Variants in LRP1B observed in about 807,000 individuals in gnomAD.
The protein encoded by LRP1B is low-density lipoprotein receptor-related protein 1B.
In LRP1B, 217 loss-of-function variants were observed where a neutral mutation model predicts 556.6. The observed-to-expected ratio is 0.39, with a 90% confidence interval of 0.35 to 0.44. The LOEUF is 0.44. Among genes scored for constraint, LRP1B ranks in the 20% least tolerant of loss-of-function variants. LRP1B has a pLI of 1.00. For missense variants in LRP1B, 5,053 were observed against 5,620.8 expected (o/e 0.90, Z 3.23); for synonymous variants, 2,047 against 1,865.8 (o/e 1.10, Z -2.50).
At chr2:141,188,342 C>G (rs2105192383) in intron 7 of LRP1B, 79 bp downstream of exon 7, 1 of 1,391,814 alleles carries the variant, frequency 7.2e-7, no homozygotes, top group South Asian at 1.3e-5. Context: ...TTATTTTCCA[C>G]AACAACACTT....
chr2:141,483,662 G>C (rs1003430083), intron 2 of LRP1B, among the ~76,000 whole-genome samples: 2 of 151,908 alleles, frequency 1.3e-5, no homozygotes, highest in African/African-American at 4.8e-5. Context: ...ATTCTAACTG[G>C]TGTGAGATGG....
chr2:140,277,284 A>C (rs2104958109), intron 84 of LRP1B, among the ~76,000 whole-genome samples: 1 of 152,054 alleles, frequency 6.6e-6, no homozygotes, highest in Non-Finnish European at 1.5e-5. Flanking sequence ...ATTAAATCTT[A>C]GATTAAGATT....
chr2:141,844,883 GA>G (rs760066719), intron 1 of LRP1B, among the ~76,000 whole-genome samples: 16 of 151,870 alleles, frequency 1.1e-4, no homozygotes, highest in Non-Finnish European at 2.1e-4. Flanking sequence ...GAGATGCTAT[GA>G]TTATATAGAC....
intron 84 of LRP1B, among the ~76,000 whole-genome samples, chr2:140,278,360 C>T (rs1682772721): frequency 6.6e-6 from 1 of 151,968 alleles, no homozygotes; most frequent in East Asian, 1.9e-4. Context: ...GTGTATATTA[C>T]ACTTCAACAG....
intron 34 of LRP1B, among the ~76,000 whole-genome samples, chr2:140,770,220 T>C (rs1042486105): frequency 2.6e-5 from 4 of 151,942 alleles, no homozygotes; most frequent in Admixed American, 1.3e-4. Flanking sequence ...CTTAGAACAG[T>C]GCCATGCACA....
At chr2:141,736,848 C>A (rs1040122499) in intron 2 of LRP1B, among the ~76,000 whole-genome samples, 2 of 152,110 alleles carry the variant, frequency 1.3e-5, no homozygotes, top group African/African-American at 4.8e-5. Context: ...TTGCAATTAT[C>A]ATAAGAAGGG....
chr2:142,086,640 C>CAAAAA (rs55654885), intron 1 of LRP1B, among the ~76,000 whole-genome samples: 1 of 147,662 alleles, frequency 6.8e-6, no homozygotes, highest in African/African-American at 2.6e-5. Flanking sequence ...AACAAACAAA[C>CAAAAA]AAAAAAAAAA....
chr2:140,484,678 T>C (rs1365806107), intron 59 of LRP1B, among the ~76,000 whole-genome samples: 1 of 152,168 alleles, frequency 6.6e-6, no homozygotes, highest in Non-Finnish European at 1.5e-5. Context: ...AAGTGAATTA[T>C]AATGGTCATA....
chr2:141,635,035 G>T (rs1027926954), intron 2 of LRP1B, among the ~76,000 whole-genome samples: 3 of 78,134 alleles, frequency 3.8e-5, no homozygotes, highest in African/African-American at 1.5e-4. Context: ...CATATAGTCA[G>T]AACTATAGTG....
intron 3 of LRP1B, among the ~76,000 whole-genome samples, chr2:141,394,481 A>G (rs1297828171): frequency 1.3e-5 from 2 of 152,108 alleles, no homozygotes; most frequent in East Asian, 1.9e-4. Flanking sequence ...GTTAAAAAAA[A>G]TCTTTTGAAA....
At chr2:142,037,902 T>A (rs1703940484) in intron 1 of LRP1B, among the ~76,000 whole-genome samples, 1 of 151,548 alleles carries the variant, frequency 6.6e-6, no homozygotes, top group African/African-American at 2.4e-5. Context: ...GGATTTCCTG[T>A]TAGCTCCTCT....
intron 2 of LRP1B, among the ~76,000 whole-genome samples, chr2:141,770,956 G>C (rs1210937919): frequency 6.6e-6 from 1 of 152,196 alleles, no homozygotes; most frequent in Non-Finnish European, 1.5e-5. Flanking sequence ...GGTCACTGTT[G>C]CTTAATTATA....
At chr2:140,937,866 T>C (rs1409129757) in intron 20 of LRP1B, among the ~76,000 whole-genome samples, 1 of 152,046 alleles carries the variant, frequency 6.6e-6, no homozygotes, top group Non-Finnish European at 1.5e-5. Flanking sequence ...AATCAAGTTT[T>C]GATAGCCTCA....
intron 2 of LRP1B, among the ~76,000 whole-genome samples, chr2:141,736,282 G>C (rs1253610921): frequency 6.6e-6 from 1 of 152,168 alleles, no homozygotes; most frequent in African/African-American, 2.4e-5. Flanking sequence ...ATCATGGGTT[G>C]AACTGTGTCC....
At chr2:140,715,429 G>C (rs574378102) in intron 37 of LRP1B, among the ~76,000 whole-genome samples, 2 of 151,980 alleles carry the variant, frequency 1.3e-5, no homozygotes, top group East Asian at 3.9e-4. Flanking sequence ...GATTAAATTC[G>C]TTTCAGTTTT....
chr2:142,035,879 G>A (rs1451617644), intron 1 of LRP1B, among the ~76,000 whole-genome samples: 3 of 151,648 alleles, frequency 2.0e-5, no homozygotes, highest in African/African-American at 7.3e-5. Flanking sequence ...TTGAATCACG[G>A]GAGCCAGTCT....
chr2:140,521,317 T>A (rs59174573), intron 49 of LRP1B, among the ~76,000 whole-genome samples: 4 of 151,968 alleles, frequency 2.6e-5, no homozygotes, highest in African/African-American at 9.7e-5. Context: ...CCACATCACC[T>A]GTAAAGTGAA....
intron 31 of LRP1B, among the ~76,000 whole-genome samples, chr2:140,828,500 T>C (rs1691589933): frequency 1.4e-5 from 2 of 141,714 alleles, no homozygotes; most frequent in Admixed American, 7.4e-5. Context: ...TCCCAGCTAC[T>C]CGGGAGGCTG....
intron 7 of LRP1B, among the ~76,000 whole-genome samples, chr2:141,075,177 T>C (rs893399673): frequency 2.0e-5 from 3 of 151,964 alleles, no homozygotes; most frequent in Admixed American, 1.3e-4. Flanking sequence ...GGGTGACGGA[T>C]AGGGAGATAC....
Sources: allele counts gnomAD v4.1 joint callset (sites outside exome capture counted in the v4.1 genomes callset), GRCh38; gene constraint gnomAD v4.1.1; transcripts MANE v1.5; gene names NCBI Gene and HGNC (gene_info 2026-07-23, HGNC 2026-07-21).